Variants in SFI1 observed in about 807,000 individuals in gnomAD.
SFI1 encodes the protein SFI1 centrin binding protein, also known as protein SFI1 homolog.
A neutral mutation model predicts 207.5 loss-of-function variants in SFI1; 195 were observed. The observed-to-expected ratio is 0.94, with a 90% CI of 0.84 to 1.06. The LOEUF (loss-of-function observed/expected upper bound fraction) is 1.06, where lower values mean the gene tolerates loss of function less well. SFI1 is among the 50% of genes least tolerant of loss of function. The probability of loss-of-function intolerance (pLI) is 0.00; values close to 1 mark genes in which losing one functional copy is unlikely to be tolerated. For synonymous variants in SFI1, 630 were observed against 598.9 expected, an observed-to-expected ratio of 1.05 and a Z score of -0.76; for missense variants, 1,634 against 1,588.0, an observed-to-expected ratio of 1.03 and a Z score of -0.49.
intron 2 of SFI1, among the ~76,000 whole-genome samples, chr22:31,526,937 C>T (rs940955028): frequency 2.6e-5 from 4 of 152,052 alleles, no homozygotes; most frequent in African/African-American, 4.8e-5. Flanking sequence ...CCTGTCCTGT[C>T]GCCCAGGCTG....
intron 14 of SFI1, among the ~76,000 whole-genome samples, chr22:31,588,686 G>A (rs112942238): frequency 1.2e-4 from 18 of 152,084 alleles, no homozygotes; most frequent in Non-Finnish European, 1.5e-4. Flanking sequence ...GGTGGCGCAC[G>A]CCTGTAGTCC....
At chr22:31,547,023 G>A in intron 5 of SFI1, 52 bp downstream of exon 5, 1 of 1,300,966 alleles carries the variant, frequency 7.7e-7, no homozygotes, top group Non-Finnish European at 1.1e-6. Flanking sequence ...ATTATCAGAT[G>A]ATTATTTGTT....
chr22:31,607,738 T>C, intron 21 of SFI1, 199 bp from the exon 22 acceptor site: 2 of 457,194 alleles, frequency 4.4e-6, no homozygotes, highest in Admixed American at 3.4e-5. Context: ...GCTGAAATGC[T>C]GGGCTTCCTG....
intron 7 of SFI1, among the ~76,000 whole-genome samples, chr22:31,557,673 C>T (rs977823555): frequency 6.6e-6 from 1 of 152,000 alleles, no homozygotes; most frequent in African/African-American, 2.4e-5. Flanking sequence ...CTTATTTAAC[C>T]CTTACCGTAA....
intron 4 of SFI1, among the ~76,000 whole-genome samples, chr22:31,532,558 A>G (rs1006773385): frequency 5.3e-5 from 8 of 151,984 alleles, no homozygotes; most frequent in African/African-American, 7.3e-5. Context: ...CCTTACTGTA[A>G]TCTTTCCTGT....
intron 2 of SFI1, among the ~76,000 whole-genome samples, chr22:31,512,043 G>C (rs1365793815): frequency 6.6e-6 from 1 of 151,994 alleles, no homozygotes; most frequent in Non-Finnish European, 1.5e-5. Flanking sequence ...CATAACACAG[G>C]TAAAGAAATA....
chr22:31,605,228 C>A, intron 20 of SFI1: 1 of 263,830 alleles, frequency 3.8e-6, no homozygotes, highest in Non-Finnish European at 7.2e-6. Flanking sequence ...TGCTTCACGC[C>A]TACAAAATTC....
chr22:31,617,787 T>C (rs2071983506), intron 31 of SFI1, among the ~76,000 whole-genome samples: 2 of 151,212 alleles, frequency 1.3e-5, no homozygotes, highest in Admixed American at 6.6e-5. Context: ...CTGGGGACCA[T>C]TCAACATGCA....
chr22:31,506,944 T>G (rs1265181664), intron 1 of SFI1, among the ~76,000 whole-genome samples: 2 of 152,110 alleles, frequency 1.3e-5, no homozygotes, highest in Non-Finnish European at 2.9e-5. Flanking sequence ...CCAAAGCAAT[T>G]TACAGATTCA....
Position 31,618,416 on chromosome 22 carries a change from TAGC to T in SFI1, c.3728_*1del. 6.4e-7 allele frequency: 1 copy of T among 1,571,210 alleles called. No homozygotes were observed. The highest frequency in any genetic ancestry group is 8.7e-7 in the Non-Finnish European group (1 of 1,154,212). On this transcript the variant is annotated stop_lost and 3_prime_UTR_variant, in exon 33 of 33. Transcript: ENST00000400288. The stretch of plus-strand genomic sequence containing the variant: ...CCAGGCCCTGCGGCAGGCCCTGTGC[TAGC>T]GTGTTCGCACCAGGAACGCAGGTGC...
rs1275236695 is a variant in SFI1 at position 31,593,988 on chromosome 22, GAGGGAGAGGGAGAGGGAC to G, written c.1544+4429_1544+4446del. ...AGGGAGACCATGGGGAGACGGAGAC[GAGGGAGAGGGAGAGGGAC>G]AGGGAGAGGGAGAGGGAGAGGGAGG... On this transcript the variant is annotated intron_variant, in intron 15 of 32. Coordinates refer to ENST00000400288, the MANE Select transcript of SFI1 (RefSeq NM_001007467.3). 4.1e-4 allele frequency among the ~76,000 whole-genome samples: 11 copies of G among 26,928 alleles called. 1 individual carries two copies. The highest frequency in any genetic ancestry group is 7.3e-4 in the Non-Finnish European group (6 of 8,264). 17.7% of individuals were successfully genotyped at this position (26,928 alleles called of 152,430 possible).
chr22:31,574,621 A>T (rs951557467), intron 9 of SFI1, among the ~76,000 whole-genome samples: 1 of 152,220 alleles, frequency 6.6e-6, no homozygotes, highest in Admixed American at 6.5e-5. Flanking sequence ...ATTTCTGTTC[A>T]TCAGTATCTA....
At chr22:31,606,672 G>A in intron 21 of SFI1, 2 of 272,498 alleles carry the variant, frequency 7.3e-6, no homozygotes. Context: ...GTTCTTATCA[G>A]AACCAGTATT....
intron 13 of SFI1, 90 bp from the exon 14 acceptor site, chr22:31,584,978 C>T: frequency 1.8e-6 from 2 of 1,088,218 alleles, no homozygotes; most frequent in Non-Finnish European, 2.7e-6. Context: ...GTGCCTTTAA[C>T]TCACAGGAAG....
intron 15 of SFI1, among the ~76,000 whole-genome samples, chr22:31,594,090 C>A (rs934115303): frequency 6.6e-6 from 1 of 152,024 alleles, no homozygotes; most frequent in Non-Finnish European, 1.5e-5. Flanking sequence ...CATTATTAGC[C>A]ACTGAGAGCT....
chr22:31,559,604 C>T, intron 7 of SFI1: 2 of 678,282 alleles, frequency 2.9e-6, no homozygotes, highest in South Asian at 1.4e-5. Context: ...TGACAGTACA[C>T]TCATAGTGTT....
intron 29 of SFI1, 113 bp downstream of exon 29, chr22:31,615,392 C>T: frequency 1.0e-6 from 1 of 991,086 alleles, no homozygotes; most frequent in Non-Finnish European, 1.4e-6. Flanking sequence ...CACAGGGAGG[C>T]CACTCATCCA....
chr22:31,612,973 C>A (rs1344534947), intron 24 of SFI1, 169 bp from the exon 25 acceptor site: 2 of 638,744 alleles, frequency 3.1e-6, no homozygotes, highest in East Asian at 5.6e-5. Context: ...ACAGATGGAG[C>A]GTGTGTTGAG....
chr22:31,582,141 G>A (rs5753706), intron 12 of SFI1, among the ~76,000 whole-genome samples: 133,853 of 135,322 alleles, frequency 0.99, 66,214 homozygotes, highest in Middle Eastern at 1. Flanking sequence ...GGATTTTGTT[G>A]CTATATTTCT....
Sources: gnomAD v4.1 joint callset for allele counts (sites outside exome capture counted in the v4.1 genomes callset) on GRCh38, gnomAD v4.1.1 for gene constraint, MANE v1.5 for transcripts, NCBI Gene and HGNC (gene_info 2026-07-23, HGNC 2026-07-21) for gene names.